The following CNBD1 variants were observed in gnomAD, a reference collection of about 807,000 sequenced individuals.
CNBD1 encodes the protein cyclic nucleotide-binding domain-containing protein 1.
CNBD1 carries 71 observed loss-of-function variants against 54.4 expected under a neutral mutation model. The observed-to-expected ratio is 1.30, with a 90% CI of 1.08 to 1.59. CNBD1 has a LOEUF of 1.59. Ranked by LOEUF, CNBD1 falls within the 40% of genes most tolerant of loss-of-function variation. The probability of loss-of-function intolerance (pLI) is 0.00; values close to 1 mark genes in which losing one functional copy is unlikely to be tolerated. For synonymous variants in CNBD1, 182 were observed against 170.7 expected (o/e 1.07, Z -0.51); for missense variants, 659 against 518.0 (o/e 1.27, Z -2.64).
At chr8:87,320,391 T>C (rs1809495080) in intron 8 of CNBD1, among the ~76,000 whole-genome samples, 1 of 152,084 alleles carries the variant, frequency 6.6e-6, no homozygotes, top group South Asian at 2.1e-4. Context: ...AGATTTTCAA[T>C]ACCTTTATAA....
At chr8:86,899,034 A>G (rs1003702496) in intron 2 of CNBD1, among the ~76,000 whole-genome samples, 4 of 152,202 alleles carry the variant, frequency 2.6e-5, no homozygotes, top group African/African-American at 4.8e-5. Flanking sequence ...TACAACATAG[A>G]TGAACCCAGA....
chr8:87,179,719 C>T (rs541705316), intron 4 of CNBD1, among the ~76,000 whole-genome samples: 4 of 152,224 alleles, frequency 2.6e-5, no homozygotes, highest in African/African-American at 7.2e-5. Context: ...ACTGAAGGTG[C>T]AATATAGAGT....
chr8:87,345,664 C>T (rs766353725), intron 8 of CNBD1, among the ~76,000 whole-genome samples: 23 of 151,992 alleles, frequency 1.5e-4, no homozygotes, highest in Non-Finnish European at 2.6e-4. Context: ...ATTGTAGATT[C>T]GAAACTGAAC....
chr8:86,934,973 T>C (rs1001899630), intron 3 of CNBD1, among the ~76,000 whole-genome samples: 1 of 152,160 alleles, frequency 6.6e-6, no homozygotes, highest in African/African-American at 2.4e-5. Flanking sequence ...GGAAACTACA[T>C]ATGACTTTTG....
intron 8 of CNBD1, among the ~76,000 whole-genome samples, chr8:87,337,641 C>T (rs1809974724): frequency 6.6e-6 from 1 of 152,214 alleles, no homozygotes; most frequent in Non-Finnish European, 1.5e-5. Context: ...TGGTTGCACA[C>T]TTTTGTGGAA....
intron 1 of CNBD1, among the ~76,000 whole-genome samples, chr8:86,880,351 G>GT (rs1222167730): frequency 6.7e-6 from 1 of 148,350 alleles, no homozygotes; most frequent in African/African-American, 2.5e-5. Flanking sequence ...AAAAAAAAAC[G>GT]TAATACTACA....
rs145744539 is a variant in CNBD1 at position 87,010,193 on chromosome 8, A to G, written c.431+70439A>G. On this transcript the variant is annotated intron_variant, in intron 4 of 10. Transcript: ENST00000518476. The stretch of plus-strand genomic sequence containing the variant: ...AAGAAAACCAGACATAGGCTTCTCA[A>G]ATATTCTTCCTACCTTTTTCCCCCC... Among the ~76,000 whole-genome samples, 928 of 152,188 alleles carry G rather than the reference A, an allele frequency of 6.1e-3. 19 individuals carry two copies. Among genetic ancestry groups the G allele is most frequent in the African/African-American group, 0.021 (882 of 41,528 alleles).
chr8:87,128,262 T>C (rs917135945), intron 4 of CNBD1, among the ~76,000 whole-genome samples: 3 of 152,218 alleles, frequency 2.0e-5, no homozygotes, highest in Non-Finnish European at 4.4e-5. Flanking sequence ...CCATCCCGGA[T>C]GGCAAGGCTA....
chr8:87,298,162 A>G (rs1808916159), intron 8 of CNBD1, among the ~76,000 whole-genome samples: 1 of 135,472 alleles, frequency 7.4e-6, no homozygotes, highest in African/African-American at 2.6e-5. Flanking sequence ...TTGTAACTAC[A>G]TTGCTTTTTT....
Position 87,139,494 on chromosome 8 carries a change from C to T in CNBD1, c.432-66499C>T, listed in dbSNP as rs142737959. On this transcript the variant is annotated intron_variant, in intron 4 of 10. Transcript: ENST00000518476. ...AGTCCTCGTTTCATATTTCCCTGTG[C>T]CATGTGATCAAGGTTTGATAGCAGA... Among the ~76,000 whole-genome samples, 131 of 152,184 alleles carry T rather than the reference C, an allele frequency of 8.6e-4. 1 individual carries two copies. Among genetic ancestry groups the T allele is most frequent in the Non-Finnish European group, 1.3e-3 (85 of 67,990 alleles).
chr8:87,050,331 C>A (rs1220447890), intron 4 of CNBD1, among the ~76,000 whole-genome samples: 2 of 152,276 alleles, frequency 1.3e-5, no homozygotes, highest in Admixed American at 6.5e-5. Flanking sequence ...TGAGGTTTGA[C>A]AAAGCTGAGC....
At chr8:87,375,532 C>T (rs374502789) in intron 10 of CNBD1, among the ~76,000 whole-genome samples, 2 of 151,630 alleles carry the variant, frequency 1.3e-5, no homozygotes, top group African/African-American at 4.8e-5. Flanking sequence ...CCATAGCATT[C>T]CTTATAAGTT....
intron 3 of CNBD1, among the ~76,000 whole-genome samples, chr8:86,916,935 A>G (rs986067044): frequency 2.0e-5 from 3 of 151,212 alleles, no homozygotes; most frequent in African/African-American, 7.3e-5. Context: ...CAGTGGCACA[A>G]TCTTGGCTCA....
intron 10 of CNBD1, among the ~76,000 whole-genome samples, chr8:87,368,335 T>A (rs1259631247): frequency 1.3e-5 from 2 of 151,912 alleles, no homozygotes; most frequent in Non-Finnish European, 2.9e-5. Flanking sequence ...AAGATAAATA[T>A]GTAATTAATA....
At chr8:87,036,111 T>C (rs1385731233) in intron 4 of CNBD1, among the ~76,000 whole-genome samples, 1 of 152,088 alleles carries the variant, frequency 6.6e-6, no homozygotes, top group East Asian at 1.9e-4. Flanking sequence ...AGGGAGTGAT[T>C]TTCCATTTTT....
At chr8:87,251,881 C>T (rs1440784976) in intron 6 of CNBD1, among the ~76,000 whole-genome samples, 1 of 151,828 alleles carries the variant, frequency 6.6e-6, no homozygotes, top group Non-Finnish European at 1.5e-5. Context: ...TACATGTATA[C>T]TTCTAAGCAA....
intron 4 of CNBD1, among the ~76,000 whole-genome samples, chr8:87,155,267 G>C (rs983939368): frequency 6.6e-6 from 1 of 152,132 alleles, no homozygotes; most frequent in East Asian, 1.9e-4. Context: ...ATGAGATCCA[G>C]ATATTGAGGA....
At chr8:87,371,704 AT>A (rs1467244048) in intron 10 of CNBD1, among the ~76,000 whole-genome samples, 1 of 152,096 alleles carries the variant, frequency 6.6e-6, no homozygotes, top group African/African-American at 2.4e-5. Flanking sequence ...AATAAATGTA[AT>A]CCAGCGTATA....
intron 6 of CNBD1, among the ~76,000 whole-genome samples, chr8:87,267,639 C>T (rs938874629): frequency 6.6e-6 from 1 of 152,012 alleles, no homozygotes; most frequent in African/African-American, 2.4e-5. Flanking sequence ...TGTTCATCAA[C>T]AAAAGAATGA....
Sources: allele counts gnomAD v4.1 joint callset (sites outside exome capture counted in the v4.1 genomes callset), GRCh38; gene constraint gnomAD v4.1.1; transcripts MANE v1.5; gene names NCBI Gene and HGNC (gene_info 2026-07-23, HGNC 2026-07-21).